Variants in CSMD1 observed in about 807,000 individuals in gnomAD.
The protein encoded by CSMD1 is CUB and Sushi multiple domains 1.
Under a neutral mutation model 417.5 loss-of-function variants are expected in CSMD1, and 213 were observed. That is an observed-to-expected ratio of 0.51 (90% confidence interval 0.46 to 0.57). The LOEUF is 0.57. CSMD1 is among the 20% of genes least tolerant of loss of function. CSMD1 has a pLI of 0.00. For missense variants in CSMD1, 6,923 were observed against 4,529.7 expected (o/e 1.53, Z -15.17); for synonymous variants, 2,862 against 1,736.8 (o/e 1.65, Z -16.11).
chr8:2,947,362 C>T (rs1007055763), intron 68 of CSMD1, among the ~76,000 whole-genome samples: 5 of 152,146 alleles, frequency 3.3e-5, no homozygotes, highest in Non-Finnish European at 7.3e-5. Context: ...AAAATAGATG[C>T]TTGCCATCAT....
intron 1 of CSMD1, among the ~76,000 whole-genome samples, chr8:4,665,811 G>C (rs778127577): frequency 6.6e-6 from 1 of 152,140 alleles, no homozygotes; most frequent in Non-Finnish European, 1.5e-5. Context: ...TAAAGTTGCT[G>C]TAAATATTTA....
intron 3 of CSMD1, among the ~76,000 whole-genome samples, chr8:4,358,430 T>G (rs903806599): frequency 2.0e-5 from 3 of 152,310 alleles, no homozygotes; most frequent in African/African-American, 7.2e-5. Context: ...AAATTCAAAT[T>G]TCAGTGTCCA....
At chr8:4,063,147 G>T (rs75456220) in intron 3 of CSMD1, among the ~76,000 whole-genome samples, 35,141 of 151,818 alleles carry the variant, frequency 0.23, 4,752 homozygotes, top group East Asian at 0.63. Flanking sequence ...AAAATGCCTA[G>T]AAGATTTGGA....
At chr8:3,701,248 G>C (rs1003607551) in intron 7 of CSMD1, among the ~76,000 whole-genome samples, 1 of 152,140 alleles carries the variant, frequency 6.6e-6, no homozygotes, top group Non-Finnish European at 1.5e-5. Context: ...AGTCCATTCT[G>C]GAATTGGATC....
At position 4,835,662 on chromosome 8, in the gene CSMD1, C is replaced by T. The variant is rs915016456; in HGVS notation, c.85+158670G>A. Among the ~76,000 whole-genome samples the T allele has an allele frequency of 1.4e-4, 21 of 152,092 alleles. 1 individual carries two copies. The highest frequency in any genetic ancestry group is 1.3e-4 in the Admixed American group (2 of 15,272). ...GAAATGAAAGACATCGGTGAGTTTGCATGTAACATTTTTCTTTTATTTGCC... is the reference window on the plus strand; with the variant it reads ...GAAATGAAAGACATCGGTGAGTTTGTATGTAACATTTTTCTTTTATTTGCC... On this transcript the variant is annotated intron_variant, in intron 1 of 69. Coordinates refer to ENST00000635120, the MANE Select transcript of CSMD1 (RefSeq NM_033225.6).
At chr8:4,907,426 A>G (rs140795313) in intron 1 of CSMD1, among the ~76,000 whole-genome samples, 46 of 152,360 alleles carry the variant, frequency 3.0e-4, no homozygotes, top group Admixed American at 2.5e-3. Flanking sequence ...GACATTGGGC[A>G]AAATACATAA....
intron 5 of CSMD1, among the ~76,000 whole-genome samples, chr8:3,775,425 A>C (rs11136664): frequency 0.34 from 51,104 of 152,002 alleles, 9,815 homozygotes; most frequent in Non-Finnish European, 0.44. Flanking sequence ...AATTAAAAAC[A>C]AGTACTTTGG....
At chr8:4,216,767 A>C (rs1007098240) in intron 3 of CSMD1, among the ~76,000 whole-genome samples, 5 of 152,170 alleles carry the variant, frequency 3.3e-5, no homozygotes, top group African/African-American at 1.2e-4. Flanking sequence ...CATTCTCTTT[A>C]CAGAAAAGAG....
intron 3 of CSMD1, among the ~76,000 whole-genome samples, chr8:4,387,284 TAA>T (rs1297695179): frequency 3.3e-5 from 5 of 152,244 alleles, no homozygotes; most frequent in Admixed American, 2.6e-4. Context: ...CTTTTTAAAT[TAA>T]GTCACTCTAC....
chr8:3,994,223 C>T (rs528706844), intron 5 of CSMD1, among the ~76,000 whole-genome samples: 3 of 151,050 alleles, frequency 2.0e-5, no homozygotes, highest in Non-Finnish European at 4.4e-5. Flanking sequence ...TTCCCTGTCA[C>T]AGAAGGGTAT....
chr8:4,392,762 G>A (rs963863643), intron 3 of CSMD1, among the ~76,000 whole-genome samples: 15 of 151,846 alleles, frequency 9.9e-5, no homozygotes, highest in Admixed American at 9.9e-4. Flanking sequence ...GAGGTCAAGA[G>A]ATTGAGAACA....
chr8:3,491,100 T>A (rs1424080338), intron 11 of CSMD1, among the ~76,000 whole-genome samples: 1 of 152,164 alleles, frequency 6.6e-6, no homozygotes, highest in Non-Finnish European at 1.5e-5. Context: ...CATACAAAGA[T>A]ATTCACTTCA....
chr8:3,397,583 T>G (rs1025772096), intron 16 of CSMD1, among the ~76,000 whole-genome samples: 5 of 152,214 alleles, frequency 3.3e-5, no homozygotes, highest in African/African-American at 1.2e-4. Flanking sequence ...TAGTGCCAAC[T>G]TTGTCTTATG....
At chr8:4,069,349 T>C (rs533977277) in intron 3 of CSMD1, among the ~76,000 whole-genome samples, 1 of 152,234 alleles carries the variant, frequency 6.6e-6, no homozygotes, top group Admixed American at 6.5e-5. Flanking sequence ...TATCTACAGG[T>C]AGTTGAACCA....
intron 12 of CSMD1, among the ~76,000 whole-genome samples, chr8:3,417,462 C>T (rs1367055406): frequency 1.3e-5 from 2 of 152,188 alleles, no homozygotes; most frequent in African/African-American, 4.8e-5. Flanking sequence ...TGTTGTCTAG[C>T]TTGTATGTCT....
At chr8:3,588,522 C>G (rs2449185) in intron 8 of CSMD1, among the ~76,000 whole-genome samples, 52,486 of 151,886 alleles carry the variant, frequency 0.35, 10,270 homozygotes, top group Non-Finnish European at 0.44. Context: ...TTAGCAAGCA[C>G]TATATTTCAA....
chr8:3,301,283 G>C (rs1299883829), intron 25 of CSMD1, among the ~76,000 whole-genome samples: 1 of 152,130 alleles, frequency 6.6e-6, no homozygotes, highest in Non-Finnish European at 1.5e-5. Context: ...TGAGTTAGGA[G>C]GGTCTACCCA....
At chr8:4,865,028 G>A (rs1002002493) in intron 1 of CSMD1, among the ~76,000 whole-genome samples, 2 of 151,184 alleles carry the variant, frequency 1.3e-5, no homozygotes, top group Non-Finnish European at 3.0e-5. Flanking sequence ...TTTTATTTTT[G>A]TGTTTGCTTT....
intron 2 of CSMD1, among the ~76,000 whole-genome samples, chr8:4,599,088 G>C (rs1278776673): frequency 6.6e-6 from 1 of 152,170 alleles, no homozygotes; most frequent in Non-Finnish European, 1.5e-5. Flanking sequence ...CAAAGACAAT[G>C]TTAGGATTAA....
Sources: gnomAD v4.1 joint callset for allele counts (sites outside exome capture counted in the v4.1 genomes callset) on GRCh38, gnomAD v4.1.1 for gene constraint, MANE v1.5 for transcripts, NCBI Gene and HGNC (gene_info 2026-07-23, HGNC 2026-07-21) for gene names.